Variants in FAM135B observed in about 807,000 individuals in gnomAD.
FAM135B encodes protein FAM135B.
A neutral mutation model predicts 127.7 loss-of-function variants in FAM135B; 43 were observed. That is an observed-to-expected ratio of 0.34 (90% CI 0.26 to 0.43). The LOEUF (loss-of-function observed/expected upper bound fraction) is 0.43. FAM135B is among the 20% of genes least tolerant of loss of function. The pLI is 1.00. For synonymous variants in FAM135B, 670 were observed against 665.1 expected, an observed-to-expected ratio of 1.01 and a Z score of -0.11; for missense variants, 1,558 against 1,725.6, an observed-to-expected ratio of 0.90 and a Z score of 1.72.
At chr8:138,304,787 C>T (rs1826118564) in intron 3 of FAM135B, among the ~76,000 whole-genome samples, 1 of 152,182 alleles carries the variant, frequency 6.6e-6, no homozygotes, top group Admixed American at 6.5e-5. Flanking sequence ...TGGTCACCCA[C>T]GTCCCTGACA....
chr8:138,491,876 G>A (rs1183180258), intron 1 of FAM135B, among the ~76,000 whole-genome samples: 1 of 152,224 alleles, frequency 6.6e-6, no homozygotes, highest in African/African-American at 2.4e-5. Context: ...GGAGGAGGGA[G>A]TAGCATGTGC....
chr8:138,475,785 C>T (rs1814393470), intron 1 of FAM135B, among the ~76,000 whole-genome samples: 1 of 152,172 alleles, frequency 6.6e-6, no homozygotes, highest in Non-Finnish European at 1.5e-5. Context: ...GGTGGAAATG[C>T]AAAGTGGTAC....
At chr8:138,209,729 G>C (rs1439394292) in intron 7 of FAM135B, among the ~76,000 whole-genome samples, 2 of 152,154 alleles carry the variant, frequency 1.3e-5, no homozygotes, top group Non-Finnish European at 2.9e-5. Flanking sequence ...TCTGGTTTCT[G>C]GTCCCTCAAA....
intron 12 of FAM135B, among the ~76,000 whole-genome samples, chr8:138,157,000 G>A (rs1818821728): frequency 6.6e-6 from 1 of 152,130 alleles, no homozygotes; most frequent in Non-Finnish European, 1.5e-5. Context: ...CGAAAAAAGA[G>A]AATTTTAGAC....
intron 7 of FAM135B, among the ~76,000 whole-genome samples, chr8:138,214,362 T>C (rs1818383320): frequency 6.6e-6 from 1 of 152,274 alleles, no homozygotes; most frequent in Admixed American, 6.5e-5. Context: ...CATGTATGCA[T>C]TTATTCAAGA....
In FAM135B at chr8:138,141,629, A is replaced by C. The variant is rs552926545; in HGVS notation, c.3639-280T>G. Among the ~76,000 whole-genome samples, 154 of 152,300 alleles carry C rather than the reference A, an allele frequency of 1.0e-3. No homozygotes were observed. The highest frequency in any genetic ancestry group is 3.7e-3 in the African/African-American group (154 of 41,566). ...CATGCTGCTAGAGCAGCCTGCTTTA[A>C]TTCCACCTGGGGGAAGGGAAGGTCC... On this transcript the variant is annotated intron_variant, in intron 16 of 19. Coordinates refer to ENST00000395297, the MANE Select transcript of FAM135B (RefSeq NM_015912.4). The surrounding 1 kb of genome is among the most constrained non-coding windows in gnomAD (Gnocchi z 4.7).
chr8:138,316,020 C>T (rs898747146), intron 2 of FAM135B, among the ~76,000 whole-genome samples: 11 of 152,008 alleles, frequency 7.2e-5, no homozygotes, highest in African/African-American at 2.7e-4. Flanking sequence ...TTTAGATGTA[C>T]TTACCACAGA....
intron 1 of FAM135B, among the ~76,000 whole-genome samples, chr8:138,385,632 G>A (rs576640656): frequency 6.6e-6 from 1 of 151,894 alleles, no homozygotes; most frequent in South Asian, 2.1e-4. Context: ...CCAACATGGT[G>A]AAACACTGTG....
At chr8:138,363,115 T>C (rs1286796457) in intron 2 of FAM135B, among the ~76,000 whole-genome samples, 3 of 152,082 alleles carry the variant, frequency 2.0e-5, no homozygotes, top group Non-Finnish European at 4.4e-5. Flanking sequence ...AATTGTCTGA[T>C]GAGTGAGAGC....
chr8:138,403,925 A>G (rs1201365307), intron 1 of FAM135B, among the ~76,000 whole-genome samples: 1 of 152,218 alleles, frequency 6.6e-6, no homozygotes, highest in Non-Finnish European at 1.5e-5. Context: ...TAGTGTGTAG[A>G]AGACAGATGT....
At chr8:138,293,246 C>A (rs905632546) in intron 3 of FAM135B, among the ~76,000 whole-genome samples, 1 of 152,106 alleles carries the variant, frequency 6.6e-6, no homozygotes, top group Admixed American at 6.5e-5. Context: ...ATACAAAAAT[C>A]AACTCAAGAT....
intron 16 of FAM135B, among the ~76,000 whole-genome samples, chr8:138,142,285 C>CTTTTTTTTTTTT (rs1166235927): frequency 2.0e-5 from 2 of 99,934 alleles, no homozygotes; most frequent in Non-Finnish European, 2.0e-5. Context: ...CATTCTGCTT[C>CTTTTTTTTTTTT]TTCTTTTTTT....
At position 138,178,523 on chromosome 8, in the gene FAM135B, T is replaced by G; in HGVS notation, c.1029+12A>C. Reference sequence around the variant, plus strand: ...CATGTGATCAGAGAATGCACAGCAGTTGGCCACTCACCCTCAGGGTGTGGT... The same window carrying G: ...CATGTGATCAGAGAATGCACAGCAGGTGGCCACTCACCCTCAGGGTGTGGT... On this transcript the variant is annotated intron_variant, in intron 10 of 19. Coordinates refer to ENST00000395297, the MANE Select transcript of FAM135B (RefSeq NM_015912.4). 6.2e-7 allele frequency: 1 copy of G among 1,613,130 alleles called. No homozygotes were observed. The highest frequency in any genetic ancestry group is 1.1e-5 in the South Asian group (1 of 90,962).
intron 7 of FAM135B, among the ~76,000 whole-genome samples, chr8:138,208,890 C>T (rs1172607158): frequency 6.6e-6 from 1 of 152,120 alleles, no homozygotes; most frequent in Non-Finnish European, 1.5e-5. Context: ...AAAAAAATCT[C>T]ATTATTAGTT....
intron 11 of FAM135B, among the ~76,000 whole-genome samples, chr8:138,176,010 A>T (rs1814430746): frequency 6.6e-6 from 1 of 152,190 alleles, no homozygotes; most frequent in South Asian, 2.1e-4. Flanking sequence ...TGTCTTACCC[A>T]CTGTGTGGAT....
chr8:138,281,789 C>T (rs891735079), intron 3 of FAM135B, among the ~76,000 whole-genome samples: 1 of 152,056 alleles, frequency 6.6e-6, no homozygotes, highest in Admixed American at 6.5e-5. Flanking sequence ...TTGTGTTATA[C>T]TGATTATCTT....
intron 7 of FAM135B, among the ~76,000 whole-genome samples, chr8:138,231,067 T>C (rs1819870690): frequency 6.6e-6 from 1 of 152,160 alleles, no homozygotes; most frequent in Non-Finnish European, 1.5e-5. Flanking sequence ...TCTTGCTCTG[T>C]CACCCAGGCT....
At position 138,265,755 on chromosome 8, in the gene FAM135B, G is replaced by A. The variant is rs2130629921; in HGVS notation, c.245C>T (p.Pro82Leu). Residue 82 changes from proline (P) to leucine (L), a missense_variant, in exon 4 of 20, where the codon CCC becomes CTC. Around this residue, in one of 5 missense-constraint regions of FAM135B, gnomAD observed 199 missense variants for 245.7 expected, o/e 0.81. Transcript: ENST00000395297. Reference sequence around the variant, plus strand: ...TCGGAAGACCACAGCATCATTTATGGGTACCTCTTCATTCCGGTATAAGAT... The same window carrying A: ...TCGGAAGACCACAGCATCATTTATGAGTACCTCTTCATTCCGGTATAAGAT... ...FQILYRNEEV[P>L]INDAVVFRVH... The A allele has an allele frequency of 1.2e-6, 2 of 1,614,002 alleles. No individual in the cohort carries two copies. The highest frequency in any genetic ancestry group is 1.7e-6 in the Non-Finnish European group (2 of 1,179,992).
intron 7 of FAM135B, 80 bp from the exon 8 acceptor site, chr8:138,197,749 C>T (rs2131143076): frequency 1.4e-6 from 2 of 1,463,012 alleles, no homozygotes; most frequent in Non-Finnish European, 9.4e-7. Flanking sequence ...CTCCATCCAC[C>T]CGCACCAACA....
Sources: gnomAD v4.1 joint callset for allele counts (sites outside exome capture counted in the v4.1 genomes callset) on GRCh38, gnomAD v4.1.1 for gene constraint, gnomAD v4.1.1 regional missense constraint, Gnocchi (gnomAD v3.1) non-coding constraint, MANE v1.5 for transcripts, NCBI Gene and HGNC (gene_info 2026-07-23, HGNC 2026-07-21) for gene names.